COPB1: variants seen among roughly 807,000 people sequenced by gnomAD.
COPB1 encodes coatomer subunit beta.
COPB1 carries 21 observed loss-of-function variants against 108.7 expected under a neutral mutation model. The ratio of observed to expected loss-of-function variants is 0.19; its 90% CI spans 0.14 to 0.28. The LOEUF (loss-of-function observed/expected upper bound fraction) is 0.28, where lower values mean the gene tolerates loss of function less well. COPB1 is among the 10% of genes least tolerant of loss of function. The pLI is 1.00. For synonymous variants in COPB1, 378 were observed against 386.8 expected, an observed-to-expected ratio of 0.98 and a Z score of 0.27; for missense variants, 919 against 1,141.3, an observed-to-expected ratio of 0.81 and a Z score of 2.81.
At chr11:14,494,590 C>T (rs1850976552) in intron 2 of COPB1, 151 bp from the exon 3 acceptor site, 2 of 569,634 alleles carry the variant, frequency 3.5e-6, no homozygotes, top group Admixed American at 6.5e-5. Flanking sequence ...ACAAGGTTCT[C>T]CACCTGGTTC....
At chr11:14,483,648 G>A (rs1188557679) in intron 7 of COPB1, among the ~76,000 whole-genome samples, 1 of 152,022 alleles carries the variant, frequency 6.6e-6, no homozygotes, top group Non-Finnish European at 1.5e-5. Context: ...GACAAAAAAT[G>A]TGTAAAGTAT....
intron 16 of COPB1, among the ~76,000 whole-genome samples, chr11:14,467,221 G>A (rs1395757770): frequency 1.3e-5 from 2 of 151,934 alleles, no homozygotes; most frequent in African/African-American, 2.4e-5. Flanking sequence ...TTTAAAAATA[G>A]GCACAGGACT....
chr11:14,499,699 C>T lies in COPB1; in HGVS notation c.-58+8G>A, dbSNP rs1354270955. The T allele has an allele frequency of 6.6e-6, 1 of 152,402 alleles. No homozygotes were observed. The highest frequency in any genetic ancestry group is 2.4e-5 in the African/African-American group (1 of 41,394). 9.4% of individuals were successfully genotyped at this position (152,402 alleles called of 1,614,324 possible). A position where few individuals can be genotyped will look rare whatever the true frequency, so the allele number is the denominator to read the frequency against. On this transcript the variant is annotated splice_region_variant and intron_variant, in intron 1 of 21. Transcript: ENST00000439561. ...GAAAGCCAGTTCTTCCGACTCTGCCCGACCCACCACGCCTCTGGGACTGGG... is the reference window on the plus strand; with the variant it reads ...GAAAGCCAGTTCTTCCGACTCTGCCTGACCCACCACGCCTCTGGGACTGGG...
At chr11:14,497,363 C>G (rs1589971398) in intron 2 of COPB1, among the ~76,000 whole-genome samples, 1 of 150,970 alleles carries the variant, frequency 6.6e-6, no homozygotes, top group Admixed American at 6.6e-5. Context: ...AACTCATAAT[C>G]TGATTTAAAA....
chr11:14,460,259 G>A lies in COPB1; in HGVS notation c.2595C>T (p.Tyr865=), dbSNP rs1589950283. Residue 865 remains tyrosine, a synonymous_variant, in exon 20 of 22, where the codon TAC becomes TAT. Transcript: ENST00000439561. ...VNTNMVDLND[Y]LQHILKSTNM... ...TGGTTGACTTTAATATGTGCTGTAA[G>A]TAGTCATTTAAATCAACCATGTTGG... is the stretch of plus-strand genomic sequence containing the variant. 1.2e-6 allele frequency: 2 copies of A among 1,611,630 alleles called. No individual in the cohort carries two copies. The highest frequency in any genetic ancestry group is 2.2e-5 in the East Asian group (1 of 44,724).
intron 1 of COPB1, 124 bp downstream of exon 1, chr11:14,499,583 A>ACCCCCC (rs1851108936): frequency 2.8e-5 from 1 of 36,040 alleles, no homozygotes; most frequent in African/African-American, 1.1e-4. Context: ...CCCCACCCCG[A>ACCCCCC]CCCGCACCCC....
Position 14,464,884 on chromosome 11 carries a change from A to G in COPB1, c.2410+27T>C. On this transcript the variant is annotated intron_variant, in intron 18 of 21. Transcript: ENST00000439561. ...AATTCTTCAGTAAAAGTATTCAAAC[A>G]TTACATGCCATAAAACAGCACCTTA... 1.2e-6 allele frequency: 2 copies of G among 1,600,076 alleles called. 1 individual carries two copies. The highest frequency in any genetic ancestry group is 2.2e-5 in the South Asian group (2 of 90,626).
At chr11:14,479,758 G>A (rs564223237) in intron 10 of COPB1, 44 bp from the exon 11 acceptor site, 51 of 1,495,442 alleles carry the variant, frequency 3.4e-5, no homozygotes, top group Middle Eastern at 1.8e-4. Flanking sequence ...AACAATTTTC[G>A]AAAAGAAAAT....
At chr11:14,481,195 T>A in intron 8 of COPB1, 98 bp from the exon 9 acceptor site, 1 of 844,242 alleles carries the variant, frequency 1.2e-6, no homozygotes, top group Non-Finnish European at 1.8e-6. Context: ...ATCATCACTT[T>A]AATTCTTTAA....
At chr11:14,468,528 G>A (rs1565013757) in intron 16 of COPB1, among the ~76,000 whole-genome samples, 153 bp downstream of exon 16, 1 of 152,170 alleles carries the variant, frequency 6.6e-6, no homozygotes, top group Non-Finnish European at 1.5e-5. Flanking sequence ...TAGTAGTAAG[G>A]TACTTCATCA....
At position 14,493,698 on chromosome 11, in the gene COPB1, C is replaced by T. The variant is rs781273804; in HGVS notation, c.435G>A (p.Glu145=). The change falls in exon 4 of 22, where the codon GAG becomes GAA. Residue 145 remains glutamate (E), a synonymous_variant. Transcript: ENST00000439561. The part of the protein sequence containing the change: ...PLMPAIRACL[E]HRHSYVRRNA... ...TTCTTCTAACATAGCTGTGTCGATG[C>T]TCCAAACATGCACGAATAGCTGGCA... is the stretch of plus-strand genomic sequence containing the variant. The T allele has an allele frequency of 5.6e-6, 9 of 1,613,500 alleles. No homozygotes were observed. Among genetic ancestry groups the T allele is most frequent in the Non-Finnish European group, 7.6e-6 (9 of 1,179,858 alleles).
chr11:14,493,919 A>C, intron 3 of COPB1, 108 bp from the exon 4 acceptor site: 2 of 998,222 alleles, frequency 2.0e-6, no homozygotes, highest in Non-Finnish European at 1.4e-6. Flanking sequence ...GAAAAAACCT[A>C]GATTACCGAC....
chr11:14,496,292 C>A (rs1851017349), intron 2 of COPB1, among the ~76,000 whole-genome samples: 1 of 151,678 alleles, frequency 6.6e-6, no homozygotes, highest in South Asian at 2.1e-4. Flanking sequence ...GAATCACTCA[C>A]AAAAAGGAGA....
intron 4 of COPB1, among the ~76,000 whole-genome samples, chr11:14,492,736 T>C (rs1850935095): frequency 6.6e-6 from 1 of 152,212 alleles, no homozygotes. Flanking sequence ...ACAAATCTAC[T>C]AAAGTACAAA....
At chr11:14,459,770 C>T (rs892703716) in intron 20 of COPB1, among the ~76,000 whole-genome samples, 1 of 152,092 alleles carries the variant, frequency 6.6e-6, no homozygotes, top group African/African-American at 2.4e-5. Flanking sequence ...GCACGTGCCA[C>T]CACACCTGGG....
chr11:14,475,974 G>A (rs1388409878), intron 12 of COPB1, 29 bp from the exon 13 acceptor site: 1 of 1,543,780 alleles, frequency 6.5e-7, no homozygotes, highest in Non-Finnish European at 8.7e-7. Context: ...CATCATTTTA[G>A]TAATAGTATC....
chr11:14,490,078 T>A (rs1420411396), intron 5 of COPB1, among the ~76,000 whole-genome samples: 1 of 152,030 alleles, frequency 6.6e-6, no homozygotes, highest in African/African-American at 2.4e-5. Flanking sequence ...GTGTACAGAG[T>A]AATTGCTAAC....
At position 14,458,487 on chromosome 11, in the gene COPB1, C is replaced by G. The variant is rs200182135; in HGVS notation, c.2802+45G>C. 1.6e-4 allele frequency: 253 copies of G among 1,548,646 alleles called. 1 individual carries two copies. The African/African-American group carries it at 2.6e-3, about 16-fold the overall frequency. ...ATAATAAAGTCATAAATTCCTCCCC[C>G]CTTTGTCAGTCCAGAGATACTCTCA... On this transcript the variant is annotated intron_variant, in intron 21 of 21. Coordinates refer to ENST00000439561, the MANE Select transcript of COPB1 (RefSeq NM_001144061.2).
Position 14,499,001 on chromosome 11 carries a change from C to G in COPB1, c.-57-16G>C. 8.5e-7 allele frequency: 1 copy of G among 1,172,692 alleles called. No individual in the cohort carries two copies. The highest frequency in any genetic ancestry group is 1.2e-6 in the Non-Finnish European group (1 of 834,004). The allele number at this position is 1,172,692 out of a possible 1,614,324, so 72.6% of individuals were successfully genotyped here. On this transcript the variant is annotated splice_polypyrimidine_tract_variant and intron_variant, in intron 1 of 21. Transcript: ENST00000439561. ...GCCAGAAAATCTAGAAAAATAAACA[C>G]AGACATATCATTACAAATTAAAAAA... is the stretch of plus-strand genomic sequence containing the variant.
Sources: gnomAD v4.1 joint callset for allele counts (sites outside exome capture counted in the v4.1 genomes callset) on GRCh38, gnomAD v4.1.1 for gene constraint, MANE v1.5 for transcripts, NCBI Gene and HGNC (gene_info 2026-07-23, HGNC 2026-07-21) for gene names.